The following NRXN3 variants were observed in gnomAD, a reference collection of about 807,000 sequenced individuals.
The protein encoded by NRXN3 is neurexin 3.
NRXN3 carries 32 observed loss-of-function variants against 137.6 expected under a neutral mutation model. The ratio of observed to expected loss-of-function variants is 0.23; its 90% CI spans 0.18 to 0.31. The LOEUF is 0.31. NRXN3 is among the 10% of genes least tolerant of loss of function. The probability of loss-of-function intolerance (pLI) is 1.00; values close to 1 mark genes in which losing one functional copy is unlikely to be tolerated. For missense variants in NRXN3, 1,574 were observed against 2,062.5 expected (o/e 0.76, Z 4.59); for synonymous variants, 798 against 784.5 (o/e 1.02, Z -0.29).
chr14:79,361,494 A>G (rs1425085432), intron 15 of NRXN3, among the ~76,000 whole-genome samples: 1 of 152,100 alleles, frequency 6.6e-6, no homozygotes, highest in Non-Finnish European at 1.5e-5. Flanking sequence ...AGGTGGGTGG[A>G]TCACTTGAGG....
At chr14:78,460,857 A>G (rs1036906628) in intron 4 of NRXN3, among the ~76,000 whole-genome samples, 1 of 152,026 alleles carries the variant, frequency 6.6e-6, no homozygotes, top group African/African-American at 2.4e-5. Context: ...ATAATTCAGC[A>G]GTTTACCAGA....
chr14:79,379,678 T>A (rs1213361411), intron 15 of NRXN3, among the ~76,000 whole-genome samples: 1 of 152,116 alleles, frequency 6.6e-6, no homozygotes, highest in Admixed American at 6.6e-5. Flanking sequence ...CCATTTTCTT[T>A]TGTCAAATGG....
intron 16 of NRXN3, among the ~76,000 whole-genome samples, chr14:79,614,699 C>A (rs1411048705): frequency 6.7e-6 from 1 of 150,366 alleles, no homozygotes; most frequent in African/African-American, 2.5e-5. Context: ...CTGTGCCCAG[C>A]AAAATGTTAC....
At chr14:78,339,209 G>T (rs537542583) in intron 4 of NRXN3, among the ~76,000 whole-genome samples, 1 of 152,306 alleles carries the variant, frequency 6.6e-6, no homozygotes, top group African/African-American at 2.4e-5. Flanking sequence ...CACACGTGAG[G>T]CACTTTGCCA....
intron 15 of NRXN3, among the ~76,000 whole-genome samples, chr14:79,319,928 A>G (rs956502203): frequency 2.6e-5 from 4 of 152,104 alleles, no homozygotes. Flanking sequence ...CCAAGGGTGT[A>G]TTTTGCTTAA....
chr14:78,771,514 A>G (rs1449967720), intron 8 of NRXN3, among the ~76,000 whole-genome samples: 1 of 152,230 alleles, frequency 6.6e-6, no homozygotes, highest in Non-Finnish European at 1.5e-5. Context: ...GAGAAAGAAG[A>G]TCTCCTCCAA....
At chr14:79,809,476 T>C (rs556476510) in intron 20 of NRXN3, among the ~76,000 whole-genome samples, 14 of 152,158 alleles carry the variant, frequency 9.2e-5, no homozygotes, top group Non-Finnish European at 1.6e-4. Context: ...TATTCTCTGC[T>C]TTTTCCTATC....
At chr14:78,200,734 T>G (rs10141650) in intron 1 of NRXN3, among the ~76,000 whole-genome samples, 14,701 of 152,188 alleles carry the variant, frequency 0.097, 1,644 homozygotes, top group African/African-American at 0.27. Flanking sequence ...TTAAATCAGA[T>G]TAATCACAAT....
chr14:79,647,600 T>C (rs564385730), intron 16 of NRXN3, among the ~76,000 whole-genome samples: 2 of 135,796 alleles, frequency 1.5e-5, no homozygotes, highest in African/African-American at 4.9e-5. Context: ...CTAACAGTGA[T>C]AGATTTTGTT....
chr14:78,198,109 C>T (rs1251507358), intron 1 of NRXN3, among the ~76,000 whole-genome samples: 1 of 152,234 alleles, frequency 6.6e-6, no homozygotes, highest in East Asian at 1.9e-4. Context: ...TGTATTGGCA[C>T]AGCTCTGGGT....
intron 15 of NRXN3, among the ~76,000 whole-genome samples, chr14:79,125,183 C>T (rs1266828138): frequency 1.3e-5 from 2 of 152,184 alleles, no homozygotes; most frequent in African/African-American, 2.4e-5. Flanking sequence ...TTCTAGATCT[C>T]GACTCAACAT....
intron 1 of NRXN3, among the ~76,000 whole-genome samples, chr14:78,186,892 C>G (rs758870462): frequency 1.3e-5 from 2 of 152,168 alleles, no homozygotes; most frequent in Non-Finnish European, 2.9e-5. Context: ...GGCAAAAAAG[C>G]TTTGATTATC....
chr14:78,892,200 C>T (rs963943905), intron 10 of NRXN3, among the ~76,000 whole-genome samples: 14 of 151,956 alleles, frequency 9.2e-5, no homozygotes, highest in African/African-American at 3.4e-4. Flanking sequence ...AATTTCAGAA[C>T]CACTGGGCAC....
At chr14:79,056,393 A>AT (rs138016075) in intron 15 of NRXN3, among the ~76,000 whole-genome samples, 2,006 of 151,140 alleles carry the variant, frequency 0.013, 42 homozygotes, top group African/African-American at 0.046. Flanking sequence ...GTATCCGTGC[A>AT]TTTTTTTTTT....
At chr14:78,372,120 A>G (rs1410238363) in intron 4 of NRXN3, among the ~76,000 whole-genome samples, 1 of 151,326 alleles carries the variant, frequency 6.6e-6, no homozygotes, top group Non-Finnish European at 1.5e-5. Context: ...CTTTTTTTTT[A>G]AAACAAGGAT....
At chr14:79,778,080 A>G (rs909617157) in intron 19 of NRXN3, among the ~76,000 whole-genome samples, 9 of 152,204 alleles carry the variant, frequency 5.9e-5, no homozygotes, top group African/African-American at 2.2e-4. Flanking sequence ...AAGCATGTGC[A>G]TGTAGTCAGT....
intron 15 of NRXN3, among the ~76,000 whole-genome samples, chr14:79,345,535 A>G (rs139337376): frequency 1.3e-5 from 2 of 152,160 alleles, no homozygotes; most frequent in Non-Finnish European, 2.9e-5. Flanking sequence ...TAGTTTGGGT[A>G]CTTGTCCTCT....
chr14:79,679,876 T>G lies in NRXN3; in HGVS notation c.3617-12297T>G, dbSNP rs190844728. ...ATCACATTTACAATGTGAATAATAT[T>G]TGAGTCATGACGTAACTATAAGTTA... On this transcript the variant is annotated intron_variant, in intron 17 of 20. Transcript: ENST00000335750. Among the ~76,000 whole-genome samples, 603 of 152,250 alleles carry G rather than the reference T, an allele frequency of 4.0e-3. 9 individuals are homozygous for G. Among genetic ancestry groups the G allele is most frequent in the Non-Finnish European group, 3.3e-3 (226 of 68,018 alleles).
intron 19 of NRXN3, among the ~76,000 whole-genome samples, chr14:79,789,564 C>T (rs554282021): frequency 5.5e-4 from 84 of 152,258 alleles, no homozygotes; most frequent in African/African-American, 1.9e-3. Context: ...ATATGCTAAA[C>T]AAGGGGTGGA....
Sources: gnomAD v4.1 joint callset for allele counts (sites outside exome capture counted in the v4.1 genomes callset) on GRCh38, gnomAD v4.1.1 for gene constraint, MANE v1.5 for transcripts, NCBI Gene and HGNC (gene_info 2026-07-23, HGNC 2026-07-21) for gene names.